Variants in GABRB1 observed in about 807,000 individuals in gnomAD.
The protein encoded by GABRB1 is gamma-aminobutyric acid type A receptor subunit beta1.
A neutral mutation model predicts 51.6 loss-of-function variants in GABRB1; 17 were observed. The observed-to-expected ratio is 0.33, with a 90% confidence interval of 0.23 to 0.49. The LOEUF (loss-of-function observed/expected upper bound fraction) is 0.49. Ranked by LOEUF, GABRB1 falls within the 20% of genes least tolerant of loss-of-function variation. GABRB1 has a pLI of 0.99. For synonymous variants in GABRB1, 247 were observed against 218.9 expected, an observed-to-expected ratio of 1.13 and a Z score of -1.14; for missense variants, 410 against 600.6, an observed-to-expected ratio of 0.68 and a Z score of 3.32.
intron 4 of GABRB1, among the ~76,000 whole-genome samples, chr4:47,296,389 G>A (rs1286633638): frequency 6.6e-6 from 1 of 152,046 alleles, no homozygotes; most frequent in Non-Finnish European, 1.5e-5. Context: ...ACACACATAG[G>A]CTCAAAATAC....
intron 4 of GABRB1, among the ~76,000 whole-genome samples, chr4:47,297,749 C>T (rs1350075493): frequency 6.6e-6 from 1 of 152,174 alleles, no homozygotes; most frequent in South Asian, 2.1e-4. Context: ...TCCTCCCTAA[C>T]TCATTTTATG....
chr4:47,415,565 G>A (rs1728888261), intron 8 of GABRB1, among the ~76,000 whole-genome samples: 1 of 152,156 alleles, frequency 6.6e-6, no homozygotes, highest in South Asian at 2.1e-4. Flanking sequence ...AATGCTAAAT[G>A]CCTAGGTCTG....
In GABRB1 at chr4:47,161,236, C is replaced by G. The variant is rs777990314; in HGVS notation, c.241-13C>G. Reference sequence around the variant, plus strand: ...AAAATTCTTTTTTTTTTTTTGCTTTCTTTATTTCACAGGATTATACACTCA... The same window carrying G: ...AAAATTCTTTTTTTTTTTTTGCTTTGTTTATTTCACAGGATTATACACTCA... On this transcript the variant is annotated splice_polypyrimidine_tract_variant and intron_variant, in intron 3 of 8. Transcript: ENST00000295454. 4.7e-6 allele frequency: 6 copies of G among 1,279,632 alleles called. No homozygotes were observed. The highest frequency in any genetic ancestry group is 6.3e-6 in the Non-Finnish European group (6 of 958,128). The allele number at this position is 1,279,632 out of a possible 1,614,324, so 79.3% of individuals were successfully genotyped here.
chr4:47,249,865 T>A (rs1224522158), intron 4 of GABRB1, among the ~76,000 whole-genome samples: 1 of 152,188 alleles, frequency 6.6e-6, no homozygotes, highest in Non-Finnish European at 1.5e-5. Flanking sequence ...AGTAGATTGG[T>A]GAGTTCTTAT....
chr4:47,014,801 G>A (rs533907843), intron 1 of GABRB1, among the ~76,000 whole-genome samples: 61 of 152,248 alleles, frequency 4.0e-4, no homozygotes, highest in African/African-American at 1.2e-3. Context: ...ATTAAATCCA[G>A]GATATAGATA....
In GABRB1 at chr4:47,111,753, T is replaced by G. The variant is rs539162427; in HGVS notation, c.241-49496T>G. On this transcript the variant is annotated intron_variant, in intron 3 of 8. Coordinates refer to ENST00000295454, the MANE Select transcript of GABRB1 (RefSeq NM_000812.4). ...GGTGGCACATACCTGTAGACCCAAC[T>G]ACTTGGGAGGCTGAGGTGGGAGGAT... Among the ~76,000 whole-genome samples, 21 of 151,948 alleles carry G rather than the reference T, an allele frequency of 1.4e-4. 1 individual carries two copies. The highest frequency in any genetic ancestry group is 1.5e-4 in the Non-Finnish European group (10 of 67,954).
chr4:47,019,690 TCTTCTTTC>T (rs1208648008), intron 1 of GABRB1, among the ~76,000 whole-genome samples: 7 of 117,592 alleles, frequency 6.0e-5, no homozygotes, highest in African/African-American at 1.9e-4. Context: ...CTTCTTTCCT[TCTTCTTTC>T]CTTCTTTCCT....
chr4:47,349,999 A>C (rs1365794610), intron 5 of GABRB1, among the ~76,000 whole-genome samples: 2 of 152,032 alleles, frequency 1.3e-5, no homozygotes, highest in Non-Finnish European at 2.9e-5. Context: ...TATTTCCATG[A>C]AAATGCTAAG....
chr4:47,299,871 A>G (rs2109936196), intron 4 of GABRB1, among the ~76,000 whole-genome samples: 1 of 152,122 alleles, frequency 6.6e-6, no homozygotes, highest in South Asian at 2.1e-4. Flanking sequence ...CTGGATTAAG[A>G]AAATGTGGCA....
chr4:47,148,954 G>A (rs1000405371), intron 3 of GABRB1, among the ~76,000 whole-genome samples: 5 of 151,910 alleles, frequency 3.3e-5, no homozygotes, highest in South Asian at 4.2e-4. Flanking sequence ...TTGTGCTTGC[G>A]GCACATGCTT....
chr4:47,261,101 T>A (rs1345876337), intron 4 of GABRB1, among the ~76,000 whole-genome samples: 1 of 152,152 alleles, frequency 6.6e-6, no homozygotes, highest in Non-Finnish European at 1.5e-5. Flanking sequence ...TCATACTGAA[T>A]GGGCAAAAAC....
rs1725381435 is a variant in GABRB1, at chr4:47,329,395, T to C, written c.544+9186T>C. ...AGAATAAAATATATAATGTATAATATAAAATATATAATTTAATGTAAAATA... is the reference window on the plus strand; with the variant it reads ...AGAATAAAATATATAATGTATAATACAAAATATATAATTTAATGTAAAATA... On this transcript the variant is annotated intron_variant, in intron 5 of 8. Coordinates refer to ENST00000295454, the MANE Select transcript of GABRB1 (RefSeq NM_000812.4). Among the ~76,000 whole-genome samples the C allele has an allele frequency of 3.3e-5, 5 of 149,502 alleles. No individual in the cohort carries two copies. The South Asian group carries it at 1.0e-3, about 31-fold the overall frequency.
intron 3 of GABRB1, among the ~76,000 whole-genome samples, chr4:47,063,952 A>G (rs1181601740): frequency 1.3e-5 from 2 of 152,156 alleles, no homozygotes; most frequent in East Asian, 3.8e-4. Flanking sequence ...ATACCTAGGT[A>G]CTGGGTTGTG....
intron 4 of GABRB1, among the ~76,000 whole-genome samples, chr4:47,273,003 C>T (rs1200018611): frequency 6.6e-6 from 1 of 151,244 alleles, no homozygotes; most frequent in African/African-American, 2.4e-5. Context: ...GTAGTGAACT[C>T]TCGTTTATTC....
chr4:47,399,012 A>G (rs917110114), intron 5 of GABRB1, among the ~76,000 whole-genome samples: 4 of 152,092 alleles, frequency 2.6e-5, no homozygotes, highest in Non-Finnish European at 5.9e-5. Flanking sequence ...GGATGGTCTC[A>G]ATCTCCTGAC....
At chr4:47,238,774 A>G (rs1405355880) in intron 4 of GABRB1, among the ~76,000 whole-genome samples, 2 of 152,248 alleles carry the variant, frequency 1.3e-5, no homozygotes, top group African/African-American at 4.8e-5. Flanking sequence ...TATGTGAATT[A>G]TGACCATGCT....
chr4:47,420,941 C>A (rs1578160331), intron 8 of GABRB1, among the ~76,000 whole-genome samples: 1 of 106,596 alleles, frequency 9.4e-6, no homozygotes, highest in African/African-American at 3.8e-5. Context: ...CATACACACA[C>A]AAACACACAC....
chr4:47,337,808 T>TA (rs1170540924), intron 5 of GABRB1, among the ~76,000 whole-genome samples: 2,868 of 84,404 alleles, frequency 0.034, 69 homozygotes, highest in Admixed American at 0.044. Context: ...AGACTCTGTC[T>TA]AAAAAAAAAA....
At chr4:47,160,667 T>A (rs1033267726) in intron 3 of GABRB1, among the ~76,000 whole-genome samples, 3 of 152,110 alleles carry the variant, frequency 2.0e-5, no homozygotes, top group African/African-American at 7.2e-5. Context: ...TACCTTAACT[T>A]CAAACTTTAA....
Sources: gnomAD v4.1 joint callset for allele counts (sites outside exome capture counted in the v4.1 genomes callset) on GRCh38, gnomAD v4.1.1 for gene constraint, MANE v1.5 for transcripts, NCBI Gene and HGNC (gene_info 2026-07-23, HGNC 2026-07-21) for gene names.